SULT1B1: variants seen among roughly 807,000 people sequenced by gnomAD.
SULT1B1 encodes sulfotransferase 1B1.
Under a neutral mutation model 34.6 loss-of-function variants are expected in SULT1B1, and 28 were observed. That is an observed-to-expected ratio of 0.81 (90% CI 0.60 to 1.11). SULT1B1 has a LOEUF of 1.11. Ranked by LOEUF, SULT1B1 falls within the 50% of genes least tolerant of loss-of-function variation. The pLI, the probability that SULT1B1 is intolerant of heterozygous loss-of-function variation, is 0.00. For synonymous variants in SULT1B1, 147 were observed against 110.2 expected, an observed-to-expected ratio of 1.33 and a Z score of -2.09; for missense variants, 374 against 352.2, an observed-to-expected ratio of 1.06 and a Z score of -0.50.
chr4:69,730,762 T>G, intron 6 of SULT1B1, 81 bp from the exon 7 acceptor site: 1 of 1,334,402 alleles, frequency 7.5e-7, no homozygotes, highest in Non-Finnish European at 1.0e-6. Flanking sequence ...AATCCGTTTT[T>G]TTAAATGTTG....
At chr4:69,749,568 C>A (rs1304862727) in intron 4 of SULT1B1, among the ~76,000 whole-genome samples, 153 bp downstream of exon 4, 2 of 152,026 alleles carry the variant, frequency 1.3e-5, no homozygotes, top group Non-Finnish European at 2.9e-5. Flanking sequence ...AACTTAATGG[C>A]TTTTGAAGAT....
chr4:69,751,167 G>T (rs868261150), intron 3 of SULT1B1, among the ~76,000 whole-genome samples: 54 of 152,096 alleles, frequency 3.6e-4, no homozygotes, highest in African/African-American at 1.2e-3. Flanking sequence ...TGATCTAGCA[G>T]CTACAGTCAC....
chr4:69,730,193 C>A (rs1718019383), intron 7 of SULT1B1, among the ~76,000 whole-genome samples: 1 of 152,010 alleles, frequency 6.6e-6, no homozygotes, highest in Admixed American at 6.6e-5. Flanking sequence ...CCATCTTAGA[C>A]AAAGATTGAA....
intron 4 of SULT1B1, among the ~76,000 whole-genome samples, chr4:69,745,725 A>T (rs1266313653): frequency 6.6e-6 from 1 of 152,170 alleles, no homozygotes; most frequent in Non-Finnish European, 1.5e-5. Flanking sequence ...ATCAAAATTC[A>T]TATGTGAAGA....
intron 4 of SULT1B1, among the ~76,000 whole-genome samples, chr4:69,734,875 G>C (rs1357663400): frequency 4.1e-5 from 6 of 147,902 alleles, no homozygotes; most frequent in Non-Finnish European, 7.4e-5. Flanking sequence ...CTGGAGTGCA[G>C]TGGTGCGATC....
chr4:69,753,482 A>G (rs1324472621), intron 3 of SULT1B1, among the ~76,000 whole-genome samples: 1 of 152,198 alleles, frequency 6.6e-6, no homozygotes, highest in Non-Finnish European at 1.5e-5. Context: ...AAAATGAGAA[A>G]ATGTTTTAAG....
intron 3 of SULT1B1, among the ~76,000 whole-genome samples, chr4:69,754,375 T>C (rs1000458916): frequency 1.3e-5 from 2 of 152,164 alleles, no homozygotes; most frequent in African/African-American, 4.8e-5. Flanking sequence ...AATTAGGAAC[T>C]TACTAATCTA....
In SULT1B1 at chr4:69,733,497, A is replaced by G; in HGVS notation, c.513T>C (p.Gly171=). 1 of 1,599,448 alleles carries G rather than the reference A, an allele frequency of 6.3e-7. No homozygotes were observed. Among genetic ancestry groups the G allele is most frequent in the Non-Finnish European group, 8.5e-7 (1 of 1,174,550 alleles). The change falls in exon 6 of 8, where the codon GGT becomes GGC. Residue 171 remains glycine, a synonymous_variant. Transcript: ENST00000310613. ...AGTTTTTAACATGAGTAAACCAGGA[A>G]CCATAGGCCACTAAAACCAGATAAA... ...EKFLTGKVAY[G]SWFTHVKNWW... is the part of the protein sequence containing the mutation.
chr4:69,724,918 C>G lies in SULT1B1; in HGVS notation c.*2170G>C, dbSNP rs1560517059. 1 of 152,054 alleles carries G rather than the reference C, an allele frequency of 6.6e-6. No homozygotes were observed. Among genetic ancestry groups the G allele is most frequent in the Admixed American group, 6.5e-5 (1 of 15,268 alleles). 9.4% of individuals were successfully genotyped at this position (152,054 alleles called of 1,614,324 possible). ...TGTAAGACCTAAAACCATAAAAACC[C>G]TAGAAGAAAACCTAGGCAATATCAT... On this transcript the variant is annotated 3_prime_UTR_variant, in exon 8 of 8. Transcript: ENST00000310613.
At chr4:69,754,974 A>T in intron 2 of SULT1B1, 96 bp downstream of exon 2, 1 of 1,297,274 alleles carries the variant, frequency 7.7e-7, no homozygotes, top group Non-Finnish European at 1.1e-6. Context: ...AATGAATATT[A>T]ACTTTATTTA....
intron 4 of SULT1B1, among the ~76,000 whole-genome samples, chr4:69,745,228 T>A (rs1433385725): frequency 6.6e-6 from 1 of 152,192 alleles, no homozygotes; most frequent in Non-Finnish European, 1.5e-5. Flanking sequence ...TAGATGTCTG[T>A]TAGGTACATT....
At position 69,738,517 on chromosome 4, in the gene SULT1B1, C is replaced by T. The variant is rs1372968074; in HGVS notation, c.376-4253G>A. On this transcript the variant is annotated intron_variant, in intron 4 of 7. Transcript: ENST00000310613. ...GGTCTTCTGAGAACTCACTCACTAT[C>T]ATGAGAACATCATGGGGGAAACTGC... Among the ~76,000 whole-genome samples the T allele has an allele frequency of 3.9e-5, 6 of 152,264 alleles. No homozygotes were observed. In the East Asian group the frequency reaches 9.7e-4, roughly 25 times the overall value.
At chr4:69,748,738 A>G (rs1718851204) in intron 4 of SULT1B1, among the ~76,000 whole-genome samples, 1 of 152,204 alleles carries the variant, frequency 6.6e-6, no homozygotes, top group Non-Finnish European at 1.5e-5. Context: ...CTTAGAAGTT[A>G]AATCATACAC....
In SULT1B1 at chr4:69,730,797, T is replaced by C. The variant is rs1371034314; in HGVS notation, c.598-116A>G. The C allele has an allele frequency of 4.5e-6, 4 of 890,432 alleles. No individual in the cohort carries two copies. In the African/African-American group the frequency reaches 5.1e-5, roughly 11 times the overall value. 55.2% of individuals were successfully genotyped at this position (890,432 alleles called of 1,614,324 possible). A position where few individuals can be genotyped will look rare whatever the true frequency, so the allele number is the denominator to read the frequency against. On this transcript the variant is annotated intron_variant, in intron 6 of 7. Transcript: ENST00000310613. The stretch of plus-strand genomic sequence containing the variant: ...GACTCTGAATAGTATAGGAAATCCA[T>C]ATTTGTTTGGGTTTTTCTCAATTTT...
rs1272458090 is a variant in SULT1B1, at chr4:69,723,298, AC to A, written c.*3789del. On this transcript the variant is annotated 3_prime_UTR_variant, in exon 8 of 8. Coordinates refer to ENST00000310613, the MANE Select transcript of SULT1B1 (RefSeq NM_014465.4). ...AGAAGAAATGGATAAATTCCTCGACACATACACCCTCCCAAGAATAAACCAG... is the reference window on the plus strand; with the variant it reads ...AGAAGAAATGGATAAATTCCTCGACAATACACCCTCCCAAGAATAAACCAG... 4 of 152,214 alleles carry A rather than the reference AC, an allele frequency of 2.6e-5. No individual in the cohort carries two copies. Among genetic ancestry groups the A allele is most frequent in the African/African-American group, 9.6e-5 (4 of 41,458 alleles). 9.4% of individuals were successfully genotyped at this position (152,214 alleles called of 1,614,324 possible). A position where few individuals can be genotyped will look rare whatever the true frequency, so the allele number is the denominator to read the frequency against.
At chr4:69,751,818 G>A (rs532632020) in intron 3 of SULT1B1, among the ~76,000 whole-genome samples, 3 of 152,244 alleles carry the variant, frequency 2.0e-5, no homozygotes, top group South Asian at 4.1e-4. Context: ...TCACTGTCAG[G>A]CAATGCTGCA....
rs1717713841 is a variant in SULT1B1 at position 69,723,394 on chromosome 4, A to G, written c.*3694T>C. 1 of 152,192 alleles carries G rather than the reference A, an allele frequency of 6.6e-6. No homozygotes were observed. The highest frequency in any genetic ancestry group is 1.5e-5 in the Non-Finnish European group (1 of 68,028). The allele number at this position is 152,192 out of a possible 1,614,324, so 9.4% of individuals were successfully genotyped here. A position where few individuals can be genotyped will look rare whatever the true frequency, so the allele number is the denominator to read the frequency against. ...AGAGGCAATAATTAATAGCTTACCA[A>G]CCAAAAGAAGTCCAGGACCAGATAG... On this transcript the variant is annotated 3_prime_UTR_variant, in exon 8 of 8. Transcript: ENST00000310613.
At chr4:69,728,258 G>T (rs113342484) in intron 7 of SULT1B1, among the ~76,000 whole-genome samples, 1 of 151,890 alleles carries the variant, frequency 6.6e-6, no homozygotes, top group African/African-American at 2.4e-5. Context: ...TATAATATAC[G>T]CAAACACATT....
intron 4 of SULT1B1, among the ~76,000 whole-genome samples, chr4:69,748,047 T>A: frequency 6.6e-6 from 1 of 152,018 alleles, no homozygotes; most frequent in Non-Finnish European, 1.5e-5. Flanking sequence ...CATAACTACT[T>A]TAAATGTATA....
Sources: gnomAD v4.1 joint callset for allele counts (sites outside exome capture counted in the v4.1 genomes callset) on GRCh38, gnomAD v4.1.1 for gene constraint, MANE v1.5 for transcripts, NCBI Gene and HGNC (gene_info 2026-07-23, HGNC 2026-07-21) for gene names.